The following SHISA6 variants were observed in gnomAD, a reference collection of about 807,000 sequenced individuals.
SHISA6 encodes the protein shisa family member 6.
A neutral mutation model predicts 47.9 loss-of-function variants in SHISA6; 22 were observed. The observed-to-expected ratio is 0.46, with a 90% CI of 0.33 to 0.66. The LOEUF (loss-of-function observed/expected upper bound fraction) is 0.66, where lower values mean the gene tolerates loss of function less well. Among genes scored for constraint, SHISA6 ranks in the 30% least tolerant of loss-of-function variants. The pLI is 0.02. For synonymous variants in SHISA6, 388 were observed against 337.8 expected, an observed-to-expected ratio of 1.15 and a Z score of -1.63; for missense variants, 680 against 764.6, an observed-to-expected ratio of 0.89 and a Z score of 1.30.
intron 2 of SHISA6, among the ~76,000 whole-genome samples, chr17:11,355,829 A>G (rs555851354): frequency 2.1e-4 from 32 of 152,216 alleles, no homozygotes; most frequent in Non-Finnish European, 4.1e-4. Flanking sequence ...GAGAATCATC[A>G]ACAGATAATC....
At chr17:11,414,042 C>T (rs565978563) in intron 3 of SHISA6, among the ~76,000 whole-genome samples, 1 of 151,592 alleles carries the variant, frequency 6.6e-6, no homozygotes, top group African/African-American at 2.4e-5. Context: ...CTTCTCCTCT[C>T]TCCTTCTCCT....
At chr17:11,324,044 C>T (rs1373857000) in intron 2 of SHISA6, among the ~76,000 whole-genome samples, 4 of 152,120 alleles carry the variant, frequency 2.6e-5, no homozygotes, top group East Asian at 1.9e-4. Context: ...GCACACCCAG[C>T]GGTATATGCA....
intron 3 of SHISA6, among the ~76,000 whole-genome samples, chr17:11,382,364 T>A (rs1257258836): frequency 6.6e-6 from 1 of 152,214 alleles, no homozygotes; most frequent in East Asian, 1.9e-4. Context: ...TGGGATTGAG[T>A]CACTACATCT....
chr17:11,433,021 A>G (rs537665098), intron 3 of SHISA6, among the ~76,000 whole-genome samples: 1 of 152,338 alleles, frequency 6.6e-6, no homozygotes, highest in Non-Finnish European at 1.5e-5. Context: ...AAACCATTGA[A>G]TCATATACTT....
At chr17:11,386,075 G>T (rs889513862) in intron 3 of SHISA6, among the ~76,000 whole-genome samples, 5 of 152,180 alleles carry the variant, frequency 3.3e-5, no homozygotes, top group African/African-American at 1.2e-4. Context: ...GTGATGGGAA[G>T]AGGAAGGTGC....
intron 1 of SHISA6, among the ~76,000 whole-genome samples, chr17:11,248,367 A>G (rs989878367): frequency 1.3e-5 from 2 of 152,208 alleles, no homozygotes; most frequent in African/African-American, 2.4e-5. Context: ...AAGTGAGGCA[A>G]CTGAAATTCA....
At chr17:11,342,243 A>G (rs2045441464) in intron 2 of SHISA6, among the ~76,000 whole-genome samples, 1 of 152,026 alleles carries the variant, frequency 6.6e-6, no homozygotes, top group Non-Finnish European at 1.5e-5. Flanking sequence ...CATAAATATT[A>G]AATCACCCAA....
intron 1 of SHISA6, among the ~76,000 whole-genome samples, chr17:11,262,936 C>CA (rs1908286599): frequency 6.6e-6 from 1 of 152,172 alleles, no homozygotes. Context: ...ACATGATACT[C>CA]AGTGTGTAGT....
At chr17:11,336,502 C>T (rs910380885) in intron 2 of SHISA6, among the ~76,000 whole-genome samples, 3 of 152,126 alleles carry the variant, frequency 2.0e-5, no homozygotes, top group African/African-American at 7.2e-5. Context: ...TGGGGCACCT[C>T]CTGCTGCAGC....
At chr17:11,279,334 C>T (rs1909041536) in intron 2 of SHISA6, among the ~76,000 whole-genome samples, 2 of 152,136 alleles carry the variant, frequency 1.3e-5, no homozygotes, top group South Asian at 4.1e-4. Context: ...ACTTGTTAGA[C>T]CCTCGTAGAG....
At chr17:11,441,667 G>T (rs1455132249) in intron 3 of SHISA6, among the ~76,000 whole-genome samples, 1 of 152,196 alleles carries the variant, frequency 6.6e-6, no homozygotes, top group Non-Finnish European at 1.5e-5. Flanking sequence ...CTAGATTTGA[G>T]ATTGAAGCCC....
intron 3 of SHISA6, among the ~76,000 whole-genome samples, chr17:11,433,471 C>G (rs1914847496): frequency 6.6e-6 from 1 of 152,064 alleles, no homozygotes; most frequent in Non-Finnish European, 1.5e-5. Context: ...TTTTCTTTAT[C>G]CAGGCTGTCA....
intron 3 of SHISA6, among the ~76,000 whole-genome samples, chr17:11,470,375 G>C (rs1433182240): frequency 1.3e-5 from 2 of 152,192 alleles, no homozygotes; most frequent in Non-Finnish European, 2.9e-5. Context: ...AGGAGGTCAG[G>C]AGCATCTCTA....
chr17:11,547,865 G>A (rs1295871529), intron 3 of SHISA6, among the ~76,000 whole-genome samples: 1 of 152,146 alleles, frequency 6.6e-6, no homozygotes, highest in Non-Finnish European at 1.5e-5. Context: ...AGATTTTTGT[G>A]AGTGATATTT....
intron 2 of SHISA6, among the ~76,000 whole-genome samples, chr17:11,372,758 T>G (rs1912669778): frequency 6.6e-6 from 1 of 152,034 alleles, no homozygotes; most frequent in South Asian, 2.1e-4. Context: ...CTGTGGTATA[T>G]TTTTCCATAG....
At chr17:11,451,255 A>G (rs1915394462) in intron 3 of SHISA6, among the ~76,000 whole-genome samples, 1 of 152,112 alleles carries the variant, frequency 6.6e-6, no homozygotes, top group Non-Finnish European at 1.5e-5. Flanking sequence ...ATTTTTCCCT[A>G]CAATACACAA....
At chr17:11,388,281 T>G (rs1433205430) in intron 3 of SHISA6, among the ~76,000 whole-genome samples, 1 of 152,056 alleles carries the variant, frequency 6.6e-6, no homozygotes. Flanking sequence ...TTTTCAACCC[T>G]GAGAGGGAAG....
In SHISA6 at chr17:11,241,497, A is replaced by G; in HGVS notation, c.75A>G (p.Gly25=). The stretch of plus-strand genomic sequence containing the variant: ...TGGACCTGCTGCCCAGCGTCCACGG[A>G]GCCCGCGGCCGCGCCGCCAACCGGA... ...ESLDLLPSVH[G]ARGRAANRTL... is the part of the protein sequence containing the mutation. Residue 25 remains glycine, a synonymous_variant, in exon 1 of 6, where the codon GGA becomes GGG. Transcript: ENST00000441885. This position sits in a 1 kb window ranked among gnomAD's most constrained non-coding sequence, Gnocchi z 5.5. 8.6e-7 allele frequency: 1 copy of G among 1,161,548 alleles called. No homozygotes were observed. The highest frequency in any genetic ancestry group is 2.2e-5 in the South Asian group (1 of 45,426). 72.0% of individuals were successfully genotyped at this position (1,161,548 alleles called of 1,614,324 possible).
chr17:11,545,468 TTGAC>T (rs1597580007), intron 3 of SHISA6, among the ~76,000 whole-genome samples: 1 of 152,226 alleles, frequency 6.6e-6, no homozygotes, highest in African/African-American at 2.4e-5. Flanking sequence ...GTTCTGTACA[TTGAC>T]TGTGTTAATG....
Sources: allele counts gnomAD v4.1 joint callset (sites outside exome capture counted in the v4.1 genomes callset), GRCh38; gene constraint gnomAD v4.1.1; non-coding constraint Gnocchi (gnomAD v3.1); transcripts MANE v1.5; gene names NCBI Gene and HGNC (gene_info 2026-07-23, HGNC 2026-07-21).